Variants in GPC6 observed in about 807,000 individuals in gnomAD.
GPC6 encodes the protein glypican-6.
GPC6 carries 14 observed loss-of-function variants against 55.2 expected under a neutral mutation model. The ratio of observed to expected loss-of-function variants is 0.25; its 90% CI spans 0.17 to 0.40. GPC6 has a LOEUF of 0.40. Ranked by LOEUF, GPC6 falls within the 10% of genes least tolerant of loss-of-function variation. GPC6 has a pLI of 1.00. For synonymous variants in GPC6, 278 were observed against 259.6 expected (o/e 1.07, Z -0.68); for missense variants, 641 against 708.5 (o/e 0.90, Z 1.08).
chr13:94,161,215 A>G (rs766994651), intron 4 of GPC6, among the ~76,000 whole-genome samples: 3 of 152,250 alleles, frequency 2.0e-5, no homozygotes, highest in Non-Finnish European at 2.9e-5. Context: ...TTTTCAAATC[A>G]TGATTCAAAG....
chr13:93,562,940 C>G (rs1029077255), intron 2 of GPC6, among the ~76,000 whole-genome samples: 5 of 152,150 alleles, frequency 3.3e-5, no homozygotes, highest in Non-Finnish European at 7.4e-5. Context: ...TTAATCCAGT[C>G]TATACCTGTT....
intron 1 of GPC6, among the ~76,000 whole-genome samples, chr13:93,318,541 A>G (rs1277625740): frequency 6.6e-6 from 1 of 152,076 alleles, no homozygotes; most frequent in Non-Finnish European, 1.5e-5. Context: ...AATAAAGGGG[A>G]AAAAAGGATA....
chr13:93,881,478 G>A (rs565653253), intron 3 of GPC6, among the ~76,000 whole-genome samples: 3 of 152,146 alleles, frequency 2.0e-5, no homozygotes, highest in Non-Finnish European at 4.4e-5. Flanking sequence ...TAGGGCCAAT[G>A]TAGGCCTAAA....
At chr13:94,155,669 G>A (rs1315908825) in intron 4 of GPC6, among the ~76,000 whole-genome samples, 1 of 152,082 alleles carries the variant, frequency 6.6e-6, no homozygotes, top group African/African-American at 2.4e-5. Flanking sequence ...ACCATAAGAG[G>A]ATAACTCTTC....
chr13:93,408,774 G>A (rs1594149267), intron 1 of GPC6, among the ~76,000 whole-genome samples: 1 of 152,112 alleles, frequency 6.6e-6, no homozygotes, highest in East Asian at 1.9e-4. Context: ...TTATTATGGA[G>A]GTAGTAGGTA....
At chr13:94,395,975 A>C (rs1024327765) in intron 7 of GPC6, among the ~76,000 whole-genome samples, 6 of 152,166 alleles carry the variant, frequency 3.9e-5, no homozygotes, top group African/African-American at 1.2e-4. Flanking sequence ...CAGCAGCTGG[A>C]GGTCAAGAGG....
At chr13:93,719,460 T>G (rs574189170) in intron 2 of GPC6, among the ~76,000 whole-genome samples, 5 of 152,092 alleles carry the variant, frequency 3.3e-5, no homozygotes, top group Non-Finnish European at 7.4e-5. Flanking sequence ...CTGAAGTTGC[T>G]TATCAGGTGA....
intron 1 of GPC6, among the ~76,000 whole-genome samples, chr13:93,487,409 C>T (rs896582878): frequency 6.6e-6 from 1 of 152,120 alleles, no homozygotes; most frequent in Admixed American, 6.5e-5. Context: ...GTATTTTCTC[C>T]TCTGTGTGTT....
chr13:94,138,469 A>G (rs576592787), intron 4 of GPC6, among the ~76,000 whole-genome samples: 4 of 152,134 alleles, frequency 2.6e-5, no homozygotes, highest in Non-Finnish European at 5.9e-5. Context: ...ACCTCTTATC[A>G]TGTTCCAGGA....
At chr13:94,146,357 T>G (rs1056490618) in intron 4 of GPC6, among the ~76,000 whole-genome samples, 2 of 152,122 alleles carry the variant, frequency 1.3e-5, no homozygotes, top group African/African-American at 4.8e-5. Flanking sequence ...CAGTTGTAAT[T>G]TACTATCTAG....
chr13:94,157,300 C>G (rs1887985968), intron 4 of GPC6, among the ~76,000 whole-genome samples: 1 of 152,034 alleles, frequency 6.6e-6, no homozygotes, highest in Non-Finnish European at 1.5e-5. Context: ...CATTTATTTT[C>G]TAGAGAGAGA....
In GPC6 at chr13:93,839,366, A is replaced by G. The variant is rs148228535; in HGVS notation, c.711+8821A>G. On this transcript the variant is annotated intron_variant, in intron 3 of 8. Transcript: ENST00000377047. ...ATCAATTTCACATTGCTCTGACACCATCAATGGGACTTTTCCTGGGATGTT... is the reference window on the plus strand; with the variant it reads ...ATCAATTTCACATTGCTCTGACACCGTCAATGGGACTTTTCCTGGGATGTT... Among the ~76,000 whole-genome samples the G allele has an allele frequency of 2.7e-4, 41 of 152,282 alleles. 1 individual carries two copies. The highest frequency in any genetic ancestry group is 9.1e-4 in the African/African-American group (38 of 41,576).
At chr13:93,968,492 C>G (rs2140391577) in intron 3 of GPC6, among the ~76,000 whole-genome samples, 1 of 152,142 alleles carries the variant, frequency 6.6e-6, no homozygotes, top group East Asian at 1.9e-4. Flanking sequence ...GGAATGCATT[C>G]TGTTAATATA....
chr13:93,322,693 G>A (rs1481276074), intron 1 of GPC6, among the ~76,000 whole-genome samples: 1 of 151,996 alleles, frequency 6.6e-6, no homozygotes, highest in Non-Finnish European at 1.5e-5. Flanking sequence ...GCCCGCCTCA[G>A]CCTCCCAAAG....
chr13:93,692,963 C>T (rs1882310270), intron 2 of GPC6, among the ~76,000 whole-genome samples: 1 of 151,948 alleles, frequency 6.6e-6, no homozygotes, highest in African/African-American at 2.4e-5. Flanking sequence ...ATACTTGTTA[C>T]CTAGCCTGGT....
chr13:93,258,982 G>A (rs1362647940), intron 1 of GPC6, among the ~76,000 whole-genome samples: 1 of 151,884 alleles, frequency 6.6e-6, no homozygotes, highest in Non-Finnish European at 1.5e-5. Context: ...CAACAACAAA[G>A]CTTCCATGGT....
intron 4 of GPC6, among the ~76,000 whole-genome samples, chr13:94,267,751 A>T (rs1364285473): frequency 6.6e-6 from 1 of 152,188 alleles, no homozygotes; most frequent in Non-Finnish European, 1.5e-5. Context: ...CAATTTTGTT[A>T]TGTTAAGTGC....
At chr13:93,558,893 A>G (rs888854386) in intron 2 of GPC6, among the ~76,000 whole-genome samples, 17 of 152,220 alleles carry the variant, frequency 1.1e-4, no homozygotes, top group African/African-American at 3.4e-4. Flanking sequence ...GTATAACACT[A>G]TTTTTAAATA....
intron 3 of GPC6, among the ~76,000 whole-genome samples, chr13:93,865,179 C>T (rs985515690): frequency 2.6e-5 from 4 of 151,444 alleles, no homozygotes; most frequent in Admixed American, 2.6e-4. Flanking sequence ...AATGTACTGC[C>T]CCCAAATCCT....
Sources: allele counts gnomAD v4.1 joint callset (sites outside exome capture counted in the v4.1 genomes callset), GRCh38; gene constraint gnomAD v4.1.1; transcripts MANE v1.5; gene names NCBI Gene and HGNC (gene_info 2026-07-23, HGNC 2026-07-21).